Variants in SPTLC3 observed in about 807,000 individuals in gnomAD.
The protein encoded by SPTLC3 is serine palmitoyltransferase 3.
A neutral mutation model predicts 59.3 loss-of-function variants in SPTLC3; 36 were observed. The observed-to-expected ratio is 0.61, with a 90% CI of 0.47 to 0.80. The LOEUF (loss-of-function observed/expected upper bound fraction) is 0.80, where lower values mean the gene tolerates loss of function less well. Ranked by LOEUF, SPTLC3 falls within the 30% of genes least tolerant of loss-of-function variation. The probability of loss-of-function intolerance (pLI) is 0.00; values close to 1 mark genes in which losing one functional copy is unlikely to be tolerated. For synonymous variants in SPTLC3, 257 were observed against 240.8 expected, an observed-to-expected ratio of 1.07 and a Z score of -0.62; for missense variants, 625 against 685.1, an observed-to-expected ratio of 0.91 and a Z score of 0.98.
In SPTLC3 at chr20:13,155,484, A is replaced by T. The variant is rs559765121; in HGVS notation, c.1415+1346A>T. ...TAAGTTCCTAAAAGACAGATTCTTC[A>T]GAGTATGCTCTTGGGTCATTTTACC... On this transcript the variant is annotated intron_variant, in intron 10 of 11. Transcript: ENST00000399002. Among the ~76,000 whole-genome samples, 5 of 152,324 alleles carry T rather than the reference A, an allele frequency of 3.3e-5. No homozygotes were observed. In the South Asian group the frequency reaches 1.0e-3, roughly 32 times the overall value.
intron 1 of SPTLC3, among the ~76,000 whole-genome samples, chr20:13,044,593 A>G (rs540335987): frequency 1.1e-4 from 17 of 152,280 alleles, no homozygotes; most frequent in African/African-American, 4.1e-4. Context: ...ATATGTCTCT[A>G]AAAGCAGCAT....
intron 6 of SPTLC3, among the ~76,000 whole-genome samples, chr20:13,097,033 A>G (rs1989440629): frequency 6.6e-6 from 1 of 152,100 alleles, no homozygotes; most frequent in African/African-American, 2.4e-5. Flanking sequence ...AATGCCTGGC[A>G]ATGGGAACTA....
intron 9 of SPTLC3, among the ~76,000 whole-genome samples, chr20:13,136,554 C>T (rs775877337): frequency 6.0e-5 from 9 of 150,694 alleles, no homozygotes; most frequent in Non-Finnish European, 8.9e-5. Context: ...GAGATTAAAT[C>T]GAACCACTGC....
chr20:13,150,081 T>C (rs2038608693), intron 9 of SPTLC3, among the ~76,000 whole-genome samples: 1 of 152,242 alleles, frequency 6.6e-6, no homozygotes, highest in South Asian at 2.1e-4. Flanking sequence ...GGCTGAGATG[T>C]ATCTGTGTGC....
At chr20:13,048,368 G>C (rs1469615944) in intron 1 of SPTLC3, among the ~76,000 whole-genome samples, 1 of 152,132 alleles carries the variant, frequency 6.6e-6, no homozygotes, top group Non-Finnish European at 1.5e-5. Flanking sequence ...TCTTTTATCA[G>C]ACTTTTTTAA....
chr20:13,140,164 C>T (rs1286804536), intron 9 of SPTLC3, among the ~76,000 whole-genome samples: 1 of 152,140 alleles, frequency 6.6e-6, no homozygotes, highest in Non-Finnish European at 1.5e-5. Flanking sequence ...GAAATAGTAG[C>T]ATACAGACAT....
At chr20:13,141,149 AT>A (rs1568624066) in intron 9 of SPTLC3, among the ~76,000 whole-genome samples, 1 of 152,186 alleles carries the variant, frequency 6.6e-6, no homozygotes, top group Non-Finnish European at 1.5e-5. Context: ...TAAGAGAGGA[AT>A]TTTCTCTTTC....
At chr20:13,146,666 G>T (rs1056624242) in intron 9 of SPTLC3, among the ~76,000 whole-genome samples, 1 of 152,102 alleles carries the variant, frequency 6.6e-6, no homozygotes, top group Non-Finnish European at 1.5e-5. Context: ...TATATTATTT[G>T]ATATCTGCCT....
chr20:13,085,835 T>C (rs912939206), intron 4 of SPTLC3, among the ~76,000 whole-genome samples: 2 of 152,224 alleles, frequency 1.3e-5, no homozygotes, highest in Non-Finnish European at 2.9e-5. Flanking sequence ...ACTTGGCACA[T>C]GAAAATACCA....
rs1568589199 is a variant in SPTLC3, at chr20:13,073,903, C to CTATAAAGAATG, written c.459-446_459-445insTATAAAGAATG. ...ATAGGACGGTCCTGTTTGTTGGTTC[C>CTATAAAGAATG]CAGAGATGCATTCTTCATCCTGGAT... is the stretch of plus-strand genomic sequence containing the variant. On this transcript the variant is annotated intron_variant, in intron 3 of 11. Transcript: ENST00000399002. The CTATAAAGAATG allele has an allele frequency of 9.0e-6, 5 of 555,528 alleles. No individual in the cohort carries two copies. In the Admixed American group the frequency reaches 1.0e-4, roughly 12 times the overall value. 34.4% of individuals were successfully genotyped at this position (555,528 alleles called of 1,614,324 possible). A position where few individuals can be genotyped will look rare whatever the true frequency, so the allele number is the denominator to read the frequency against.
chr20:13,160,581 G>A (rs2038876020), intron 11 of SPTLC3, among the ~76,000 whole-genome samples: 1 of 152,150 alleles, frequency 6.6e-6, no homozygotes, highest in Non-Finnish European at 1.5e-5. Flanking sequence ...TAAGTGAGGT[G>A]GAAATGATTT....
intron 7 of SPTLC3, among the ~76,000 whole-genome samples, chr20:13,114,993 G>C (rs1420908416): frequency 6.6e-6 from 1 of 152,210 alleles, no homozygotes; most frequent in Non-Finnish European, 1.5e-5. Flanking sequence ...CCTGCACAGA[G>C]CTTCAAATTA....
intron 7 of SPTLC3, among the ~76,000 whole-genome samples, chr20:13,113,768 T>C (rs1402251991): frequency 6.6e-6 from 1 of 152,202 alleles, no homozygotes; most frequent in African/African-American, 2.4e-5. Flanking sequence ...TGGCTGTCTT[T>C]ATTGTCACAT....
At chr20:13,121,567 G>A (rs964897905) in intron 8 of SPTLC3, among the ~76,000 whole-genome samples, 11 of 152,100 alleles carry the variant, frequency 7.2e-5, no homozygotes, top group African/African-American at 2.4e-4. Context: ...TGGAAACCTC[G>A]ATACGAGGAG....
chr20:13,076,533 A>G (rs569055548), intron 4 of SPTLC3, among the ~76,000 whole-genome samples: 40 of 152,304 alleles, frequency 2.6e-4, no homozygotes, highest in African/African-American at 9.6e-4. Flanking sequence ...GAAAAAGGAA[A>G]ATAAAATCCA....
chr20:13,117,783 G>A, intron 8 of SPTLC3, 58 bp downstream of exon 8: 2 of 1,450,824 alleles, frequency 1.4e-6, no homozygotes, highest in Non-Finnish European at 1.9e-6. Flanking sequence ...GATGCCGTGT[G>A]TAGGGCTTCT....
intron 2 of SPTLC3, among the ~76,000 whole-genome samples, chr20:13,051,596 A>C (rs1987494715): frequency 6.6e-6 from 1 of 152,238 alleles, no homozygotes; most frequent in Non-Finnish European, 1.5e-5. Flanking sequence ...GACTTAACAG[A>C]TATATACAGA....
chr20:13,039,963 A>C (rs1007457681), intron 1 of SPTLC3, among the ~76,000 whole-genome samples: 2 of 152,026 alleles, frequency 1.3e-5, no homozygotes, highest in African/African-American at 4.8e-5. Flanking sequence ...GTACAATCTT[A>C]TAAATACTAT....
intron 1 of SPTLC3, among the ~76,000 whole-genome samples, chr20:13,047,061 T>C (rs1023449003): frequency 6.6e-6 from 1 of 152,204 alleles, no homozygotes; most frequent in Admixed American, 6.5e-5. Context: ...ATTTTAATAA[T>C]ATTTTGTGAT....
Sources: allele counts gnomAD v4.1 joint callset (sites outside exome capture counted in the v4.1 genomes callset), GRCh38; gene constraint gnomAD v4.1.1; transcripts MANE v1.5; gene names NCBI Gene and HGNC (gene_info 2026-07-23, HGNC 2026-07-21).